KIFAP3: variants seen among roughly 807,000 people sequenced by gnomAD.
KIFAP3 encodes kinesin associated protein 3, also known as kinesin-associated protein 3.
Under a neutral mutation model 106.5 loss-of-function variants are expected in KIFAP3, and 68 were observed. The observed-to-expected ratio is 0.64, with a 90% confidence interval of 0.53 to 0.78. KIFAP3 has a LOEUF of 0.78. KIFAP3 is among the 30% of genes least tolerant of loss of function. The pLI, the probability that KIFAP3 is intolerant of heterozygous loss-of-function variation, is 0.00. For synonymous variants in KIFAP3, 320 were observed against 311.5 expected, an observed-to-expected ratio of 1.03 and a Z score of -0.29; for missense variants, 780 against 941.8, an observed-to-expected ratio of 0.83 and a Z score of 2.25.
intron 2 of KIFAP3, among the ~76,000 whole-genome samples, chr1:170,051,977 C>G (rs1178102884): frequency 6.6e-6 from 1 of 151,740 alleles, no homozygotes; most frequent in Non-Finnish European, 1.5e-5. Flanking sequence ...CAGCAGAAGA[C>G]AAGAAATAAC....
intron 19 of KIFAP3, among the ~76,000 whole-genome samples, chr1:169,934,146 C>CT (rs1663652802): frequency 6.6e-6 from 1 of 152,100 alleles, no homozygotes; most frequent in Non-Finnish European, 1.5e-5. Flanking sequence ...AAGGGATACT[C>CT]TATCATACTT....
chr1:169,927,330 TCTGATAATAACCTGATGTCATCCTA>T (rs1397924121), intron 19 of KIFAP3, among the ~76,000 whole-genome samples: 1 of 152,136 alleles, frequency 6.6e-6, no homozygotes, highest in Non-Finnish European at 1.5e-5. Context: ...GAAGAAATAT[TCTGATAATAACCTGATGTCATCCTA>T]CTGTAGCATA....
At chr1:170,055,601 C>T (rs1427735381) in intron 1 of KIFAP3, among the ~76,000 whole-genome samples, 165 bp from the exon 2 acceptor site, 1 of 151,870 alleles carries the variant, frequency 6.6e-6, no homozygotes, top group Non-Finnish European at 1.5e-5. Flanking sequence ...GTTTTATATA[C>T]ATATATATGT....
At chr1:169,964,862 C>A (rs1384885780) in intron 17 of KIFAP3, among the ~76,000 whole-genome samples, 2 of 152,108 alleles carry the variant, frequency 1.3e-5, no homozygotes, top group Non-Finnish European at 2.9e-5. Flanking sequence ...CAAGAGTACA[C>A]TTTTTGTTGC....
chr1:170,062,309 T>C (rs933220747), intron 1 of KIFAP3, among the ~76,000 whole-genome samples: 1 of 151,818 alleles, frequency 6.6e-6, no homozygotes, highest in Non-Finnish European at 1.5e-5. Flanking sequence ...ATGCCACTGT[T>C]GCTTAACACC....
chr1:169,937,216 C>T (rs925398461), intron 19 of KIFAP3, among the ~76,000 whole-genome samples: 1 of 151,654 alleles, frequency 6.6e-6, no homozygotes. Context: ...TTCTTACCGA[C>T]CTCCATATCC....
chr1:170,004,336 C>T (rs1006851543), intron 10 of KIFAP3, among the ~76,000 whole-genome samples: 6 of 152,174 alleles, frequency 3.9e-5, no homozygotes, highest in Non-Finnish European at 8.8e-5. Flanking sequence ...TGACTTTCTT[C>T]ACAGAATTGG....
At chr1:170,015,725 T>C (rs1668473446) in intron 10 of KIFAP3, among the ~76,000 whole-genome samples, 3 of 152,132 alleles carry the variant, frequency 2.0e-5, no homozygotes, top group Admixed American at 6.5e-5. Context: ...GTAAAGTATA[T>C]GCTGGGAACT....
intron 19 of KIFAP3, among the ~76,000 whole-genome samples, chr1:169,944,468 T>C (rs1185312893): frequency 6.6e-6 from 1 of 152,114 alleles, no homozygotes; most frequent in Admixed American, 6.5e-5. Context: ...TCTGGGCTCT[T>C]GGAAGAGCCA....
chr1:170,010,892 T>C (rs1351028460), intron 10 of KIFAP3, among the ~76,000 whole-genome samples: 1 of 152,004 alleles, frequency 6.6e-6, no homozygotes, highest in Non-Finnish European at 1.5e-5. Context: ...CCATGTGCAT[T>C]AGCTCCACAG....
chr1:170,010,462 TAC>T (rs1668186154), intron 10 of KIFAP3, among the ~76,000 whole-genome samples: 1 of 151,982 alleles, frequency 6.6e-6, no homozygotes, highest in African/African-American at 2.4e-5. Flanking sequence ...TCTATTGAAT[TAC>T]AGTTTCCCTT....
chr1:169,990,065 T>C, intron 11 of KIFAP3: 2 of 1,503,880 alleles, frequency 1.3e-6, no homozygotes, highest in Non-Finnish European at 1.8e-6. Context: ...TCAGGTTTTG[T>C]TTTGTCCATT....
chr1:170,061,309 T>G (rs1024221257), intron 1 of KIFAP3, among the ~76,000 whole-genome samples: 2 of 140,046 alleles, frequency 1.4e-5, no homozygotes, highest in African/African-American at 4.9e-5. Context: ...CTTAAACAAA[T>G]TTACAAGAAA....
chr1:170,061,914 C>A (rs1289211797), intron 1 of KIFAP3, among the ~76,000 whole-genome samples: 2 of 152,134 alleles, frequency 1.3e-5, no homozygotes, highest in African/African-American at 4.8e-5. Flanking sequence ...GTCGCAAGGA[C>A]AGAAAGCCAA....
chr1:169,989,907 T>C (rs900621977), intron 11 of KIFAP3, among the ~76,000 whole-genome samples: 20 of 152,090 alleles, frequency 1.3e-4, no homozygotes, highest in African/African-American at 4.8e-4. Flanking sequence ...TTTTTTACTA[T>C]ATATTATTTT....
At chr1:170,020,214 T>C (rs906456606) in intron 9 of KIFAP3, among the ~76,000 whole-genome samples, 4 of 152,340 alleles carry the variant, frequency 2.6e-5, no homozygotes, top group Middle Eastern at 3.4e-3. Flanking sequence ...ATGGTCAATA[T>C]ATTGATCCCC....
intron 16 of KIFAP3, among the ~76,000 whole-genome samples, chr1:169,973,114 TATATATATAAACAACACAAATCAGGATTA>T (rs1266522397): frequency 2.2e-5 from 3 of 139,376 alleles, no homozygotes; most frequent in Non-Finnish European, 4.6e-5. Context: ...TGTATATATA[TATATATATAAACAACACAAATCAGGATTA>T]GAAAACCAAG....
rs767118087 is a variant in KIFAP3 at position 170,024,466 on chromosome 1, C to T, written c.972G>A (p.Val324=). ...RDNFELLILV[V]SFLKKLSIFM... ...AAATGCTGAGTTTCTTCAAGAATGA[C>T]ACAACTAAAATTAGCAGCTCAAAAT... The change falls in exon 9 of 20, where the codon GTG becomes GTA. Residue 324 remains valine (V), a synonymous_variant. Transcript: ENST00000361580. 1.9e-6 allele frequency: 3 copies of T among 1,597,668 alleles called. No individual in the cohort carries two copies. The highest frequency in any genetic ancestry group is 2.7e-5 in the African/African-American group (2 of 74,022).
chr1:170,060,845 G>A (rs1671110722), intron 1 of KIFAP3, among the ~76,000 whole-genome samples: 1 of 152,132 alleles, frequency 6.6e-6, no homozygotes. Context: ...AGAGCCCTCA[G>A]AAATAATACC....
Sources: allele counts gnomAD v4.1 joint callset (sites outside exome capture counted in the v4.1 genomes callset), GRCh38; gene constraint gnomAD v4.1.1; transcripts MANE v1.5; gene names NCBI Gene and HGNC (gene_info 2026-07-23, HGNC 2026-07-21).